ARAP1: variants seen among roughly 807,000 people sequenced by gnomAD.
ARAP1 encodes the protein arf-GAP with Rho-GAP domain, ANK repeat and PH domain-containing protein 1.
A neutral mutation model predicts 172.2 loss-of-function variants in ARAP1; 76 were observed. The ratio of observed to expected loss-of-function variants is 0.44; its 90% CI spans 0.37 to 0.53. ARAP1 has a LOEUF of 0.53. Ranked by LOEUF, ARAP1 falls within the 20% of genes least tolerant of loss-of-function variation. The probability of loss-of-function intolerance (pLI) is 0.00; values close to 1 mark genes in which losing one functional copy is unlikely to be tolerated. For synonymous variants in ARAP1, 804 were observed against 803.3 expected (o/e 1.00, Z -0.01); for missense variants, 1,686 against 1,977.5 (o/e 0.85, Z 2.80).
At chr11:72,707,430 C>T in intron 11 of ARAP1, 56 bp from the exon 12 acceptor site, 1 of 1,512,382 alleles carries the variant, frequency 6.6e-7, no homozygotes. Context: ...GATTTGGGGG[C>T]AGCATGAGGA....
At chr11:72,712,106 T>A (rs1857039646) in intron 7 of ARAP1, 90 bp downstream of exon 7, 1 of 1,459,050 alleles carries the variant, frequency 6.9e-7, no homozygotes. Flanking sequence ...GGTTTTCAGA[T>A]CAGTGAGTGA....
At chr11:72,730,850 G>T (rs1857843500) in intron 2 of ARAP1, among the ~76,000 whole-genome samples, 1 of 152,172 alleles carries the variant, frequency 6.6e-6, no homozygotes, top group African/African-American at 2.4e-5. Flanking sequence ...AACCAAAATG[G>T]CCATCAATGG....
In ARAP1 at chr11:72,710,154, C is replaced by T. The variant is rs1002118474; in HGVS notation, c.1417-178G>A. Among the ~76,000 whole-genome samples the T allele has an allele frequency of 6.6e-6, 1 of 150,896 alleles. No homozygotes were observed. The highest frequency in any genetic ancestry group is 6.6e-5 in the Admixed American group (1 of 15,194). On this transcript the variant is annotated intron_variant, in intron 10 of 34. Coordinates refer to ENST00000393609, the MANE Select transcript of ARAP1 (RefSeq NM_001040118.3). The surrounding 1 kb of genome is among the most constrained non-coding windows in gnomAD (Gnocchi z 4.3). ...AGGGGCTGCAGGTTCAGGGCCCACA[C>T]AGCAATGAACAGAGGTGCGGGGGAG...
Position 72,731,423 on chromosome 11 carries a change from A to G in ARAP1, c.-45+1092T>C, listed in dbSNP as rs150564676. Among the ~76,000 whole-genome samples the G allele has an allele frequency of 2.0e-5, 3 of 152,224 alleles. No homozygotes were observed. The East Asian group carries it at 5.8e-4, about 29-fold the overall frequency. ...TGTTCATGTAAGAGCTAGCTGGTTA[A>G]AAGAGCCCGGCTTCTCTCTTGCTTC... On this transcript the variant is annotated intron_variant, in intron 2 of 34. Transcript: ENST00000393609.
intron 1 of ARAP1, among the ~76,000 whole-genome samples, chr11:72,736,193 C>T (rs557149740): frequency 1.4e-4 from 21 of 150,078 alleles, no homozygotes; most frequent in Non-Finnish European, 2.5e-4. Flanking sequence ...ACCTTGAATA[C>T]TGACCTTTTT....
chr11:72,704,074 G>C, intron 14 of ARAP1, 78 bp downstream of exon 14: 2 of 1,572,464 alleles, frequency 1.3e-6, no homozygotes. Flanking sequence ...AGATGAGATG[G>C]GTTAAGACAG....
rs532689480 is a variant in ARAP1 at position 72,711,013 on chromosome 11, C to T, written c.1213+8G>A. 4 of 1,614,224 alleles carry T rather than the reference C, an allele frequency of 2.5e-6. No homozygotes were observed. In the African/African-American group the frequency reaches 5.3e-5, roughly 22 times the overall value. Reference sequence around the variant, plus strand: ...CTACACACACACACAACACCCCACACTCCCCACCATCACTCTCTGCCCGGA... The same window carrying T: ...CTACACACACACACAACACCCCACATTCCCCACCATCACTCTCTGCCCGGA... On this transcript the variant is annotated splice_region_variant and intron_variant, in intron 9 of 34. Transcript: ENST00000393609.
intron 30 of ARAP1, among the ~76,000 whole-genome samples, chr11:72,690,037 G>A (rs1855873381): frequency 6.6e-6 from 1 of 152,204 alleles, no homozygotes; most frequent in South Asian, 2.1e-4. Context: ...TGCAGGCATG[G>A]AAAACACAAG....
rs778682866 is a variant in ARAP1 at position 72,725,819 on chromosome 11, C to T, written c.509+801G>A. On this transcript the variant is annotated intron_variant, in intron 3 of 34. Transcript: ENST00000393609. The surrounding 1 kb of genome is among the most constrained non-coding windows in gnomAD (Gnocchi z 4.3). ...AAACAGGGACCAGGAGACCTCTCTC[C>T]GCACACCCCTTCCTCCTCCAAGAAG... 3.3e-5 allele frequency among the ~76,000 whole-genome samples: 5 copies of T among 152,122 alleles called. No individual in the cohort carries two copies. Among genetic ancestry groups the T allele is most frequent in the Non-Finnish European group, 5.9e-5 (4 of 68,004 alleles).
chr11:72,694,915 G>C, intron 27 of ARAP1, 65 bp downstream of exon 27: 1 of 1,441,016 alleles, frequency 6.9e-7, no homozygotes, highest in South Asian at 1.2e-5. Context: ...GGGGAGGACA[G>C]ACTGGGGCTA....
At chr11:72,746,671 AC>A (rs892884976) in intron 1 of ARAP1, among the ~76,000 whole-genome samples, 1 of 134,908 alleles carries the variant, frequency 7.4e-6, no homozygotes, top group African/African-American at 2.7e-5. Flanking sequence ...CCTCCCCCCA[AC>A]CCCCTCCCCC....
intron 31 of ARAP1, 55 bp from the exon 32 acceptor site, chr11:72,687,793 ACC>A: frequency 1.3e-6 from 2 of 1,598,906 alleles, no homozygotes; most frequent in Non-Finnish European, 1.7e-6. Context: ...GAGGCTCAAC[ACC>A]CCAGTTCCCA....
Position 72,693,371 on chromosome 11 carries a change from T to C in ARAP1, c.3908A>G (p.Tyr1303Cys). Residue 1303 changes from tyrosine (Y) to cysteine (C), a missense_variant, in exon 29 of 35, where the codon TAC (tyrosine) becomes TGC (cysteine). Transcript: ENST00000393609. The surrounding 1 kb of genome is among the most constrained non-coding windows in gnomAD (Gnocchi z 4.6). ...GLPSGGFHDR[Y>C]FILNSSCLRL... ...CAAGCAGCTGCTGTTGAGGATGAAGTAGCGATCGTGGAAGCCACCTGAGGG... is the reference window on the plus strand; with the variant it reads ...CAAGCAGCTGCTGTTGAGGATGAAGCAGCGATCGTGGAAGCCACCTGAGGG... 6.2e-7 allele frequency: 1 copy of C among 1,613,686 alleles called. No individual in the cohort carries two copies.
Position 72,697,046 on chromosome 11 carries a change from G to A in ARAP1, c.3103C>T (p.Leu1035=), listed in dbSNP as rs2135505967. Residue 1035 remains leucine (L), a synonymous_variant, in exon 22 of 35, where the codon CTG becomes TTG. Coordinates refer to ENST00000393609, the MANE Select transcript of ARAP1 (RefSeq NM_001040118.3). The part of the protein sequence containing the change: ...DDVSSALKRF[L]RDLPDGLFTR... ...AAGAGCCCATCAGGCAGGTCGCGCA[G>A]GAAGCGCTTGAGCGCCGAGGAAACA... 6.2e-7 allele frequency: 1 copy of A among 1,610,196 alleles called. No individual in the cohort carries two copies. Among genetic ancestry groups the A allele is most frequent in the East Asian group, 2.2e-5 (1 of 44,872 alleles).
Position 72,689,419 on chromosome 11 carries a change from G to C in ARAP1, c.3988-882C>G, listed in dbSNP as rs76914966. On this transcript the variant is annotated intron_variant, in intron 30 of 34. Transcript: ENST00000393609. ...CTGGAGTCCACAGGGGCACCAGAGTGAATGGCAGGGGAGGGGGATTCACTT... is the reference window on the plus strand; with the variant it reads ...CTGGAGTCCACAGGGGCACCAGAGTCAATGGCAGGGGAGGGGGATTCACTT... 4.6e-3 allele frequency: 700 copies of C among 152,468 alleles called. 15 individuals carry two copies. Among genetic ancestry groups the C allele is most frequent in the East Asian group, 0.026 (136 of 5,180 alleles). The allele number at this position is 152,468 out of a possible 1,614,324, so 9.4% of individuals were successfully genotyped here.
rs1055487054 is a variant in ARAP1, at chr11:72,685,261, C to T, written c.*403G>A. ...GAGCTGAGTGCTCCTCTACAGCACC[C>T]GCTTTCTGCTGTTCTGGAGTTTGTT... On this transcript the variant is annotated 3_prime_UTR_variant, in exon 35 of 35. Transcript: ENST00000393609. 1.3e-5 allele frequency: 3 copies of T among 235,192 alleles called. No individual in the cohort carries two copies. Among genetic ancestry groups the T allele is most frequent in the Non-Finnish European group, 1.7e-5 (2 of 118,058 alleles). The allele number at this position is 235,192 out of a possible 1,614,324, so 14.6% of individuals were successfully genotyped here. A position where few individuals can be genotyped will look rare whatever the true frequency, so the allele number is the denominator to read the frequency against.
intron 2 of ARAP1, among the ~76,000 whole-genome samples, chr11:72,729,591 A>T (rs569034717): frequency 6.6e-6 from 1 of 151,970 alleles, no homozygotes; most frequent in Admixed American, 6.6e-5. Context: ...CTTCAGAAAA[A>T]AAAATAAAAA....
In ARAP1 at chr11:72,726,639, G is replaced by GT. The variant is rs1857701140; in HGVS notation, c.489dup (p.Pro164ThrfsTer11). On this transcript the variant is annotated frameshift_variant, in exon 3 of 35. Transcript: ENST00000393609. LOFTEE classifies it high-confidence loss of function. This position sits in a 1 kb window ranked among gnomAD's most constrained non-coding sequence, Gnocchi z 6.5. ...ACTCACCTCACCAGCAGGCGGGGGG[G>GT]TCCGGTGCGGGGCGGCACGGGTGGA... The GT allele has an allele frequency of 6.6e-7, 1 of 1,520,592 alleles. No individual in the cohort carries two copies. Among genetic ancestry groups the GT allele is most frequent in the Non-Finnish European group, 8.8e-7 (1 of 1,132,734 alleles). 94.2% of individuals were successfully genotyped at this position (1,520,592 alleles called of 1,614,324 possible).
intron 1 of ARAP1, among the ~76,000 whole-genome samples, chr11:72,747,584 C>T (rs559640887): frequency 3.9e-5 from 6 of 152,348 alleles, no homozygotes; most frequent in African/African-American, 1.2e-4. Flanking sequence ...CCTCAGAGCG[C>T]CCTGCCGGGG....
Sources: allele counts gnomAD v4.1 joint callset (sites outside exome capture counted in the v4.1 genomes callset), GRCh38; gene constraint gnomAD v4.1.1; non-coding constraint Gnocchi (gnomAD v3.1); transcripts MANE v1.5; gene names NCBI Gene and HGNC (gene_info 2026-07-23, HGNC 2026-07-21).